The following CHRM3 variants were observed in gnomAD, a reference collection of about 807,000 sequenced individuals.
The protein encoded by CHRM3 is muscarinic acetylcholine receptor M3.
A neutral mutation model predicts 41.8 loss-of-function variants in CHRM3; 11 were observed. That is an observed-to-expected ratio of 0.26 (90% CI 0.17 to 0.44). CHRM3 has a LOEUF of 0.44. CHRM3 is among the 20% of genes least tolerant of loss of function. The pLI, the probability that CHRM3 is intolerant of heterozygous loss-of-function variation, is 1.00. For missense variants in CHRM3, 571 were observed against 745.4 expected (o/e 0.77, Z 2.72); for synonymous variants, 297 against 301.4 (o/e 0.99, Z 0.15).
At chr1:239,818,404 T>C (rs992465319) in intron 5 of CHRM3, among the ~76,000 whole-genome samples, 2 of 152,162 alleles carry the variant, frequency 1.3e-5, no homozygotes, top group South Asian at 2.1e-4. Context: ...ATATACATCA[T>C]AGGGGCACAG....
At chr1:239,709,359 G>A (rs776856502) in intron 5 of CHRM3, among the ~76,000 whole-genome samples, 2 of 152,160 alleles carry the variant, frequency 1.3e-5, no homozygotes, top group Non-Finnish European at 2.9e-5. Flanking sequence ...TTTACCGACC[G>A]CCGTGTCTAA....
chr1:239,893,786 G>A (rs1026997501), intron 6 of CHRM3, among the ~76,000 whole-genome samples: 9 of 145,700 alleles, frequency 6.2e-5, no homozygotes, highest in South Asian at 2.2e-4. Flanking sequence ...AAAAACAATC[G>A]AAATCAAAAT....
chr1:239,804,498 G>T (rs1301165538), intron 5 of CHRM3, among the ~76,000 whole-genome samples: 2 of 152,160 alleles, frequency 1.3e-5, no homozygotes, highest in African/African-American at 2.4e-5. Context: ...GTAGGCGGAG[G>T]TCCTGCCTAC....
chr1:239,899,305 GTGTA>G (rs573807402), intron 6 of CHRM3, among the ~76,000 whole-genome samples: 13,544 of 125,902 alleles, frequency 0.11, 735 homozygotes, highest in African/African-American at 0.19. Flanking sequence ...GTGTGTGTGT[GTGTA>G]TATACACACA....
Position 239,748,224 on chromosome 1 carries a change from A to T in CHRM3, c.-147+69936A>T, listed in dbSNP as rs148673831. Among the ~76,000 whole-genome samples, 210 of 152,346 alleles carry T rather than the reference A, an allele frequency of 1.4e-3. 1 individual carries two copies. Among genetic ancestry groups the T allele is most frequent in the African/African-American group, 4.8e-3 (200 of 41,584 alleles). On this transcript the variant is annotated intron_variant, in intron 5 of 6. Transcript: ENST00000676153. This position sits in a 1 kb window ranked among gnomAD's most constrained non-coding sequence, Gnocchi z 4.3. ...CACCCGTTATCTGCACTAATTGAAG[A>T]TGTATTGTATATCGTTAAATAACTG...
At chr1:239,760,198 T>A (rs1287354181) in intron 5 of CHRM3, among the ~76,000 whole-genome samples, 2 of 152,204 alleles carry the variant, frequency 1.3e-5, no homozygotes, top group South Asian at 2.1e-4. Flanking sequence ...GTGCTAGGAT[T>A]ACAGGCGTGA....
At chr1:239,762,036 T>C (rs1437477021) in intron 5 of CHRM3, among the ~76,000 whole-genome samples, 1 of 152,158 alleles carries the variant, frequency 6.6e-6, no homozygotes. Context: ...TGGTTCCCTT[T>C]TCTTGGAGAT....
At chr1:239,742,091 C>T (rs903793397) in intron 5 of CHRM3, among the ~76,000 whole-genome samples, 4 of 10,170 alleles carry the variant, frequency 3.9e-4, no homozygotes, top group Non-Finnish European at 2.5e-3. Flanking sequence ...AGCATGCATA[C>T]GTTTTTTTTT....
At chr1:239,583,697 G>A (rs922278277) in intron 3 of CHRM3, among the ~76,000 whole-genome samples, 1 of 152,024 alleles carries the variant, frequency 6.6e-6, no homozygotes. Context: ...ATTTAATTTA[G>A]TCCATTTGGC....
At chr1:239,467,911 C>T (rs149612766) in intron 1 of CHRM3, among the ~76,000 whole-genome samples, 110 of 151,148 alleles carry the variant, frequency 7.3e-4, no homozygotes, top group Non-Finnish European at 9.3e-4. Flanking sequence ...CCCCCCCCAA[C>T]GTTATTCCAA....
At chr1:239,834,179 C>CACAA (rs1251068309) in intron 6 of CHRM3, among the ~76,000 whole-genome samples, 5 of 151,672 alleles carry the variant, frequency 3.3e-5, no homozygotes, top group African/African-American at 1.2e-4. Context: ...CACACACACA[C>CACAA]ACACACACAC....
chr1:239,788,940 T>C (rs1669125989), intron 5 of CHRM3, among the ~76,000 whole-genome samples: 2 of 152,230 alleles, frequency 1.3e-5, no homozygotes, highest in African/African-American at 4.8e-5. Context: ...CTAACTATTA[T>C]ATAACTTACA....
At chr1:239,805,304 T>G (rs1238150966) in intron 5 of CHRM3, among the ~76,000 whole-genome samples, 1 of 152,156 alleles carries the variant, frequency 6.6e-6, no homozygotes, top group Non-Finnish European at 1.5e-5. Flanking sequence ...TTTTGCTTAA[T>G]CATGAACTAT....
intron 4 of CHRM3, among the ~76,000 whole-genome samples, chr1:239,675,687 A>G (rs1657929123): frequency 6.6e-6 from 1 of 152,194 alleles, no homozygotes. Flanking sequence ...TAACAAGCAT[A>G]CAGTTTTTCA....
intron 5 of CHRM3, among the ~76,000 whole-genome samples, chr1:239,778,504 C>A (rs1459286533): frequency 6.6e-6 from 1 of 152,110 alleles, no homozygotes; most frequent in Admixed American, 6.6e-5. Flanking sequence ...AGACTTCCAC[C>A]AGCCACCTCC....
chr1:239,482,728 T>C (rs182573513), intron 1 of CHRM3, among the ~76,000 whole-genome samples: 1 of 152,324 alleles, frequency 6.6e-6, no homozygotes, highest in East Asian at 1.9e-4. Context: ...AAATTTCATA[T>C]GGTTTTGTAT....
intron 6 of CHRM3, among the ~76,000 whole-genome samples, chr1:239,894,901 G>A (rs950591582): frequency 6.6e-6 from 1 of 152,176 alleles, no homozygotes. Context: ...CGGCTCATAA[G>A]TGAGGAGCCA....
At chr1:239,601,565 G>C (rs532365721) in intron 3 of CHRM3, among the ~76,000 whole-genome samples, 24 of 152,122 alleles carry the variant, frequency 1.6e-4, no homozygotes, top group African/African-American at 5.5e-4. Context: ...AAAGGCTTAT[G>C]GGTACCAACA....
At chr1:239,883,175 T>C (rs72760713) in intron 6 of CHRM3, among the ~76,000 whole-genome samples, 12,659 of 152,250 alleles carry the variant, frequency 0.083, 576 homozygotes, top group Non-Finnish European at 0.1. Flanking sequence ...CTCATCATCG[T>C]AAACGGTAAA....
Sources: allele counts gnomAD v4.1 joint callset (sites outside exome capture counted in the v4.1 genomes callset), GRCh38; gene constraint gnomAD v4.1.1; non-coding constraint Gnocchi (gnomAD v3.1); transcripts MANE v1.5; gene names NCBI Gene and HGNC (gene_info 2026-07-23, HGNC 2026-07-21).